The following KRABD5 variants were observed in gnomAD, a reference collection of about 807,000 sequenced individuals.
KRABD5 encodes KRAB domain-containing protein 5.
At chr16:31,757,122 A>G in the KRABD5 span, 31 of 152,326 alleles carry the variant, frequency 2.0e-4, no homozygotes, top group Admixed American at 1.6e-3. Flanking sequence ...TTCAAAGCTT[A>G]TAAACTATTA....
chr16:31,759,413 G>T, the KRABD5 span: 1 of 1,535,880 alleles, frequency 6.5e-7, no homozygotes, highest in South Asian at 1.2e-5. Context: ...TGAGAAAAAG[G>T]ACCAAAGACA....
At chr16:31,733,789 C>T in the KRABD5 span, among the ~76,000 whole-genome samples, 1 of 152,162 alleles carries the variant, frequency 6.6e-6, no homozygotes, top group Non-Finnish European at 1.5e-5. Context: ...TTAATCTGCT[C>T]ATCCATAAAG....
the KRABD5 span, among the ~76,000 whole-genome samples, chr16:31,745,159 T>A: frequency 6.6e-6 from 1 of 152,214 alleles, no homozygotes; most frequent in Admixed American, 6.5e-5. Context: ...TGTCTTCTGC[T>A]AACTCTTGGA....
the KRABD5 span, among the ~76,000 whole-genome samples, chr16:31,746,174 T>C: frequency 6.6e-6 from 1 of 152,216 alleles, no homozygotes; most frequent in Non-Finnish European, 1.5e-5. Flanking sequence ...GCTATTTGGC[T>C]GTTTTGTGCA....
At chr16:31,722,750 TG>T in the KRABD5 span, 1 of 1,587,016 alleles carries the variant, frequency 6.3e-7, no homozygotes. Context: ...CTGGTCTCTC[TG>T]GGTGAGGATA....
the KRABD5 span, among the ~76,000 whole-genome samples, chr16:31,716,997 G>GTTTTTTTTTT: frequency 2.3e-4 from 19 of 81,162 alleles, no homozygotes; most frequent in East Asian, 6.6e-4. Flanking sequence ...GTCAGTCTTT[G>GTTTTTTTTTT]TTTTTTTTTT....
At chr16:31,741,273 A>AT in the KRABD5 span, among the ~76,000 whole-genome samples, 1 of 152,202 alleles carries the variant, frequency 6.6e-6, no homozygotes, top group Admixed American at 6.5e-5. Context: ...TGATGAACAT[A>AT]TGAGTGCATG....
chr16:31,730,353 T>C, the KRABD5 span, among the ~76,000 whole-genome samples: 1 of 152,122 alleles, frequency 6.6e-6, no homozygotes, highest in Non-Finnish European at 1.5e-5. Flanking sequence ...TTTCCTTCTT[T>C]CAGCACTTTT....
the KRABD5 span, chr16:31,753,691 T>C: frequency 1.5e-6 from 2 of 1,323,820 alleles, no homozygotes; most frequent in South Asian, 3.6e-5. Context: ...GTGATATAAT[T>C]TGTGTATTAG....
At chr16:31,731,033 A>G in the KRABD5 span, among the ~76,000 whole-genome samples, 5 of 152,096 alleles carry the variant, frequency 3.3e-5, no homozygotes, top group Admixed American at 3.3e-4. Context: ...CAACTTTCAG[A>G]TCTCCATTTC....
the KRABD5 span, among the ~76,000 whole-genome samples, chr16:31,714,938 T>C: frequency 6.6e-6 from 1 of 152,142 alleles, no homozygotes; most frequent in African/African-American, 2.4e-5. Context: ...TAAAGGAGTA[T>C]TGCAAGAGGA....
At chr16:31,731,017 G>C in the KRABD5 span, among the ~76,000 whole-genome samples, 1 of 152,164 alleles carries the variant, frequency 6.6e-6, no homozygotes, top group African/African-American at 2.4e-5. Context: ...TGAATTCTTT[G>C]TCAGCCAACT....
the KRABD5 span, among the ~76,000 whole-genome samples, chr16:31,726,955 A>G: frequency 6.6e-6 from 1 of 152,066 alleles, no homozygotes; most frequent in Admixed American, 6.5e-5. Flanking sequence ...TTTCAATTGT[A>G]TTCATCACTG....
At chr16:31,733,731 A>G in the KRABD5 span, 12 of 422,614 alleles carry the variant, frequency 2.8e-5, no homozygotes, top group African/African-American at 2.4e-4. Context: ...AATGTCTCTG[A>G]TTTTTAAGGC....
chr16:31,717,068 C>CTCACTGCA, the KRABD5 span, among the ~76,000 whole-genome samples: 1 of 139,156 alleles, frequency 7.2e-6, no homozygotes, highest in Admixed American at 8.2e-5. Flanking sequence ...GCGTTCTTGG[C>CTCACTGCA]TCACTGCAAC....
the KRABD5 span, among the ~76,000 whole-genome samples, chr16:31,717,866 G>T: frequency 6.6e-6 from 1 of 152,060 alleles, no homozygotes; most frequent in Non-Finnish European, 1.5e-5. Context: ...CCGAAAATCT[G>T]CAGGCAGAAT....
the KRABD5 span, among the ~76,000 whole-genome samples, chr16:31,748,396 TGTA>T: frequency 2.0e-5 from 3 of 152,222 alleles, no homozygotes; most frequent in African/African-American, 7.2e-5. Context: ...ACCGTAGCCT[TGTA>T]GTATAGTTTG....
chr16:31,722,231 G>A, the KRABD5 span, among the ~76,000 whole-genome samples: 19 of 151,986 alleles, frequency 1.3e-4, no homozygotes, highest in African/African-American at 3.9e-4. Context: ...GTGCCACCAC[G>A]CCCAGCTAAT....
the KRABD5 span, among the ~76,000 whole-genome samples, chr16:31,743,117 T>C: frequency 6.6e-6 from 1 of 151,178 alleles, no homozygotes; most frequent in African/African-American, 2.4e-5. Context: ...AACCAGGCTT[T>C]TAGTTTAATT....
Sources: gnomAD v4.1 joint callset for allele counts (sites outside exome capture counted in the v4.1 genomes callset) on GRCh38, gnomAD v4.1.1 for gene constraint, MANE v1.5 for transcripts, NCBI Gene and HGNC (gene_info 2026-07-23, HGNC 2026-07-21) for gene names.